The following ATP10A variants were observed in gnomAD, a reference collection of about 807,000 sequenced individuals.
ATP10A encodes phospholipid-transporting ATPase VA.
In ATP10A, 111 loss-of-function variants were observed where a neutral mutation model predicts 147.8. The ratio of observed to expected loss-of-function variants is 0.75; its 90% CI spans 0.64 to 0.88. The LOEUF (loss-of-function observed/expected upper bound fraction) is 0.88, where lower values mean the gene tolerates loss of function less well. Ranked by LOEUF, ATP10A falls within the 40% of genes least tolerant of loss-of-function variation. ATP10A has a pLI of 0.00. For synonymous variants in ATP10A, 875 were observed against 841.6 expected (o/e 1.04, Z -0.69); for missense variants, 1,927 against 1,959.0 (o/e 0.98, Z 0.31).
In ATP10A at chr15:25,713,725, T is replaced by G; in HGVS notation, c.2293A>C (p.Thr765Pro). 1 of 1,614,052 alleles carries G rather than the reference T, an allele frequency of 6.2e-7. No individual in the cohort carries two copies. The highest frequency in any genetic ancestry group is 8.5e-7 in the Non-Finnish European group (1 of 1,180,018). The change falls in exon 10 of 21, where the codon ACC becomes CCC. Residue 765 changes from threonine (T) to proline (P), a missense_variant. Thr to Pro is a conservative substitution (Grantham distance 38). Coordinates refer to ENST00000555815, the MANE Select transcript of ATP10A (RefSeq NM_024490.4). Reference protein sequence around the residue: ...HPLTDEINVYTKGADSVVMDL... With the variant: ...HPLTDEINVYPKGADSVVMDL... ...ATGACCACTGAGTCGGCCCCCTTGG[T>G]GTAGACGTTGATCTCATCGGTAAGC...
chr15:25,828,854 C>T (rs547766612), intron 1 of ATP10A, among the ~76,000 whole-genome samples: 2 of 152,288 alleles, frequency 1.3e-5, no homozygotes, highest in South Asian at 2.1e-4. Context: ...TGACTATCCT[C>T]GGGCACTGTG....
intron 1 of ATP10A, among the ~76,000 whole-genome samples, chr15:25,787,625 A>AG (rs11428932): frequency 0.42 from 61,757 of 148,468 alleles, 12,952 homozygotes; most frequent in East Asian, 0.58. Context: ...AAAAAAAAAA[A>AG]AAAAAGAAGA....
At chr15:25,824,214 T>C (rs574793363) in intron 1 of ATP10A, among the ~76,000 whole-genome samples, 60 of 152,256 alleles carry the variant, frequency 3.9e-4, no homozygotes, top group African/African-American at 1.4e-3. Context: ...AGGTGGCTCA[T>C]GCCTGTAATC....
intron 9 of ATP10A, 60 bp from the exon 10 acceptor site, chr15:25,714,301 C>T (rs757289450): frequency 2.0e-5 from 31 of 1,521,784 alleles, no homozygotes; most frequent in Non-Finnish European, 2.8e-5. Context: ...AGAGGCCCCA[C>T]CCTGGTTCCC....
intron 2 of ATP10A, among the ~76,000 whole-genome samples, chr15:25,751,118 A>G (rs1202833270): frequency 6.6e-6 from 1 of 152,166 alleles, no homozygotes; most frequent in East Asian, 1.9e-4. Flanking sequence ...CAAGATGCAA[A>G]TATGTTATAT....
intron 2 of ATP10A, among the ~76,000 whole-genome samples, chr15:25,746,234 G>A (rs1337528867): frequency 2.0e-5 from 3 of 152,060 alleles, no homozygotes; most frequent in Non-Finnish European, 4.4e-5. Context: ...AGATAATATA[G>A]TATTAAATCA....
chr15:25,712,725 C>T (rs7169774), intron 10 of ATP10A, among the ~76,000 whole-genome samples: 38,022 of 152,008 alleles, frequency 0.25, 5,332 homozygotes, highest in African/African-American at 0.35. Context: ...TCTCGCCCCG[C>T]GGTGGTCATC....
At position 25,679,466 on chromosome 15, in the gene ATP10A, T is replaced by C; in HGVS notation, c.4375A>G (p.Thr1459Ala). 1 of 1,614,044 alleles carries C rather than the reference T, an allele frequency of 6.2e-7. No individual in the cohort carries two copies. Among genetic ancestry groups the C allele is most frequent in the Non-Finnish European group, 8.5e-7 (1 of 1,179,986 alleles). ...RLGSVLQFSR[T>A]EQLADGQAGR... ...GCTTGTCCATCTGCAAGCTGCTCCG[T>C]CCGGGAGAACTGTAAGACACTCCCC... The change falls in exon 21 of 21, where the codon ACG becomes GCG. Residue 1459 changes from threonine (T) to alanine (A), a missense_variant. Thr to Ala is a moderately conservative substitution (Grantham distance 58). Transcript: ENST00000555815.
At chr15:25,819,822 A>T (rs151168695) in intron 1 of ATP10A, among the ~76,000 whole-genome samples, 2 of 152,334 alleles carry the variant, frequency 1.3e-5, no homozygotes, top group Admixed American at 1.3e-4. Flanking sequence ...ACAACTAAGA[A>T]ACAGAAAGTC....
At chr15:25,685,338 G>C (rs1211503150) in intron 16 of ATP10A, among the ~76,000 whole-genome samples, 1 of 152,136 alleles carries the variant, frequency 6.6e-6, no homozygotes, top group Admixed American at 6.6e-5. Flanking sequence ...TCTCCTTTCT[G>C]CACCCTTCAA....
intron 1 of ATP10A, among the ~76,000 whole-genome samples, chr15:25,821,658 C>T (rs910738828): frequency 6.6e-6 from 1 of 152,024 alleles, no homozygotes; most frequent in Non-Finnish European, 1.5e-5. Flanking sequence ...AGGATCTATG[C>T]CCAGGTCAAA....
intron 1 of ATP10A, among the ~76,000 whole-genome samples, chr15:25,806,327 C>CTTTTCTTTTCT (rs71127085): frequency 4.6e-5 from 7 of 151,444 alleles, no homozygotes; most frequent in South Asian, 2.1e-4. Context: ...CTTTTCTTTT[C>CTTTTCTTTTCT]TTTGAGATGG....
chr15:25,755,997 C>T (rs542229338), intron 2 of ATP10A, among the ~76,000 whole-genome samples: 115 of 152,230 alleles, frequency 7.6e-4, no homozygotes, highest in Non-Finnish European at 1.4e-3. Flanking sequence ...ACAAACCTTA[C>T]CTTTCTTTAA....
At chr15:25,801,976 T>C (rs1038533140) in intron 1 of ATP10A, among the ~76,000 whole-genome samples, 3 of 152,194 alleles carry the variant, frequency 2.0e-5, no homozygotes, top group Admixed American at 1.3e-4. Flanking sequence ...AACTCCTTTA[T>C]GTTAACGCGG....
At chr15:25,783,644 G>C (rs887859950) in intron 1 of ATP10A, among the ~76,000 whole-genome samples, 1 of 152,198 alleles carries the variant, frequency 6.6e-6, no homozygotes, top group African/African-American at 2.4e-5. Flanking sequence ...GCACTACGTT[G>C]GGAACAAAGA....
At chr15:25,861,449 G>A (rs970779459) in intron 1 of ATP10A, among the ~76,000 whole-genome samples, 4 of 152,136 alleles carry the variant, frequency 2.6e-5, no homozygotes, top group African/African-American at 9.7e-5. Context: ...AAAATATGGA[G>A]CATAACCACT....
At chr15:25,695,383 C>T (rs1000694471) in intron 13 of ATP10A, among the ~76,000 whole-genome samples, 15 of 152,314 alleles carry the variant, frequency 9.8e-5, no homozygotes, top group African/African-American at 3.4e-4. Flanking sequence ...AATCCCAGCA[C>T]TTTGGGAGGC....
chr15:25,676,225 G>A (rs1217969554), downstream of ATP10A, among the ~76,000 whole-genome samples: 1 of 152,148 alleles, frequency 6.6e-6, no homozygotes, highest in East Asian at 1.9e-4. Context: ...CCTTACCGAA[G>A]GCACAGATAC....
intron 12 of ATP10A, among the ~76,000 whole-genome samples, chr15:25,703,132 C>G (rs1293832384): frequency 2.0e-5 from 3 of 152,098 alleles, no homozygotes; most frequent in African/African-American, 7.2e-5. Context: ...CCGTGGCGGG[C>G]GGGTCACTTG....
Sources: allele counts gnomAD v4.1 joint callset (sites outside exome capture counted in the v4.1 genomes callset), GRCh38; gene constraint gnomAD v4.1.1; transcripts MANE v1.5; gene names NCBI Gene and HGNC (gene_info 2026-07-23, HGNC 2026-07-21).